The following GYS2 variants were observed in gnomAD, a reference collection of about 807,000 sequenced individuals.
GYS2 encodes the protein glycogen [starch] synthase, liver.
A neutral mutation model predicts 85.6 loss-of-function variants in GYS2; 80 were observed. That is an observed-to-expected ratio of 0.93 (90% CI 0.78 to 1.13). The LOEUF is 1.13. GYS2 is among the 50% of genes most tolerant of loss of function. The probability of loss-of-function intolerance (pLI) is 0.00; values close to 1 mark genes in which losing one functional copy is unlikely to be tolerated. For synonymous variants in GYS2, 328 were observed against 300.7 expected (o/e 1.09, Z -0.94); for missense variants, 881 against 854.9 (o/e 1.03, Z -0.38).
chr12:21,539,875 A>G lies in GYS2; in HGVS notation c.1809+535T>C, dbSNP rs574346712. On this transcript the variant is annotated intron_variant, in intron 14 of 15. Transcript: ENST00000261195. ...AGCCAAGAGTGTTCAGCACTGTGCAAACAGACACATTATGTGAAGGCAAAG... is the reference window on the plus strand; with the variant it reads ...AGCCAAGAGTGTTCAGCACTGTGCAGACAGACACATTATGTGAAGGCAAAG... Among the ~76,000 whole-genome samples the G allele has an allele frequency of 2.6e-5, 4 of 152,314 alleles. No homozygotes were observed. In the East Asian group the frequency reaches 7.7e-4, roughly 29 times the overall value.
At chr12:21,562,266 C>T (rs1032054751) in intron 7 of GYS2, among the ~76,000 whole-genome samples, 6 of 152,016 alleles carry the variant, frequency 3.9e-5, no homozygotes, top group Non-Finnish European at 8.8e-5. Context: ...AACTCTTAGT[C>T]GCAGGGAGGT....
At chr12:21,569,103 A>C in intron 4 of GYS2, 94 bp from the exon 5 acceptor site, 3 of 1,278,718 alleles carry the variant, frequency 2.3e-6, no homozygotes, top group Non-Finnish European at 3.4e-6. Flanking sequence ...GGCTTACCTC[A>C]AGGCTGTGTA....
chr12:21,540,298 T>G, intron 14 of GYS2, 112 bp downstream of exon 14: 1 of 973,558 alleles, frequency 1.0e-6, no homozygotes, highest in East Asian at 2.4e-5. Context: ...GACACTGAGA[T>G]TTTAACAATT....
At chr12:21,532,862 A>C (rs1943878392), downstream of GYS2, 1 of 152,270 alleles carries the variant, frequency 6.6e-6, no homozygotes, top group Non-Finnish European at 1.5e-5. Context: ...CTGTTAAAAT[A>C]TAGCTCCAAG....
chr12:21,581,029 GTCATTTA>G (rs2136914185), intron 1 of GYS2, among the ~76,000 whole-genome samples: 1 of 152,258 alleles, frequency 6.6e-6, no homozygotes, highest in East Asian at 1.9e-4. Flanking sequence ...AAGCTACATA[GTCATTTA>G]TCTTTTAAAG....
chr12:21,575,770 T>C lies in GYS2; in HGVS notation c.495+96A>G, dbSNP rs565812073. 2.8e-5 allele frequency: 27 copies of C among 952,938 alleles called. No individual in the cohort carries two copies. The African/African-American group carries it at 4.0e-4, about 14-fold the overall frequency. The allele number at this position is 952,938 out of a possible 1,614,324, so 59.0% of individuals were successfully genotyped here. A position where few individuals can be genotyped will look rare whatever the true frequency, so the allele number is the denominator to read the frequency against. On this transcript the variant is annotated intron_variant, in intron 3 of 15. Transcript: ENST00000261195. ...TAGGACAAGCCATAATGGCATCATC[T>C]CAAAATCTGCCTCATTTAAAGATCA...
rs1321973590 is a variant in GYS2, at chr12:21,559,700, G to A, written c.1180C>T (p.His394Tyr). 1.3e-6 allele frequency: 2 copies of A among 1,586,618 alleles called. No homozygotes were observed. The highest frequency in any genetic ancestry group is 1.1e-5 in the South Asian group (1 of 90,472). ...TTTCCAAACTTTTCCTTCACAGAAT[G>A]TGCAACATCCCTGTTTGAAACAGAA... The part of the protein sequence containing the change: ...AVRKQLWDVA[H>Y]SVKEKFGKKL... Residue 394 changes from histidine to tyrosine, a missense_variant, in exon 9 of 16, where the codon CAT becomes TAT. Physicochemically the swap from His to Tyr is moderately conservative, Grantham distance 83. Coordinates refer to ENST00000261195, the MANE Select transcript of GYS2 (RefSeq NM_021957.4).
intron 1 of GYS2, among the ~76,000 whole-genome samples, chr12:21,598,328 G>A (rs546205546): frequency 1.3e-5 from 2 of 152,052 alleles, no homozygotes; most frequent in South Asian, 2.1e-4. Context: ...ATATAAACAC[G>A]TCATATATCA....
chr12:21,577,568 A>G (rs940753872), intron 2 of GYS2, among the ~76,000 whole-genome samples: 2 of 152,210 alleles, frequency 1.3e-5, no homozygotes, highest in Admixed American at 1.3e-4. Context: ...ATAGTACAAT[A>G]GGCATTGTTC....
At chr12:21,564,569 C>G (rs1944295570) in intron 5 of GYS2, among the ~76,000 whole-genome samples, 1 of 152,078 alleles carries the variant, frequency 6.6e-6, no homozygotes, top group African/African-American at 2.4e-5. Flanking sequence ...ATTAAGTAAT[C>G]TGACCTTTGT....
chr12:21,582,894 C>A (rs572427401), intron 1 of GYS2, among the ~76,000 whole-genome samples: 2 of 152,164 alleles, frequency 1.3e-5, no homozygotes, highest in Non-Finnish European at 2.9e-5. Flanking sequence ...CTTGATTCAA[C>A]GCTTGTGAGA....
At chr12:21,541,268 C>CAA (rs3832848) in intron 13 of GYS2, among the ~76,000 whole-genome samples, 7,908 of 45,512 alleles carry the variant, frequency 0.17, 1,340 homozygotes, top group East Asian at 0.23. Flanking sequence ...ACCATGTTTC[C>CAA]AAAAAAAAAA....
intron 11 of GYS2, among the ~76,000 whole-genome samples, chr12:21,551,252 T>C (rs1944107688): frequency 6.8e-6 from 1 of 147,218 alleles, no homozygotes; most frequent in Non-Finnish European, 1.5e-5. Context: ...TGAGTGAGAA[T>C]AGACACTTTT....
intron 1 of GYS2, among the ~76,000 whole-genome samples, chr12:21,583,515 A>C (rs1023793181): frequency 1.4e-4 from 22 of 152,204 alleles, no homozygotes; most frequent in African/African-American, 5.1e-4. Flanking sequence ...GCAAGCTGCT[A>C]TGCCACTTGG....
chr12:21,594,911 G>C (rs1591812135), intron 1 of GYS2, among the ~76,000 whole-genome samples: 2 of 152,162 alleles, frequency 1.3e-5, no homozygotes, highest in Non-Finnish European at 2.9e-5. Context: ...TAGACCAATG[G>C]AAGAGAATAG....
At chr12:21,599,493 A>T (rs574714385) in intron 1 of GYS2, among the ~76,000 whole-genome samples, 55 of 152,304 alleles carry the variant, frequency 3.6e-4, no homozygotes, top group Middle Eastern at 3.4e-3. Context: ...GCAGCTCCAA[A>T]TATTTTATAT....
At position 21,569,015 on chromosome 12, in the gene GYS2, A is replaced by C; in HGVS notation, c.679-6T>G. 2 of 1,614,026 alleles carry C rather than the reference A, an allele frequency of 1.2e-6. No homozygotes were observed. The highest frequency in any genetic ancestry group is 1.1e-5 in the South Asian group (1 of 91,088). ...GCCTCTTTGTCAATGTTAAACTGTT[A>C]GAAACAAAAATAAAACACACATTTG... On this transcript the variant is annotated splice_polypyrimidine_tract_variant and splice_region_variant and intron_variant, in intron 4 of 15. Transcript: ENST00000261195.
intron 1 of GYS2, among the ~76,000 whole-genome samples, chr12:21,591,611 A>C (rs1296458776): frequency 6.6e-6 from 1 of 152,204 alleles, no homozygotes; most frequent in Non-Finnish European, 1.5e-5. Flanking sequence ...GTCTAGCAAG[A>C]AATGTAGACA....
chr12:21,569,035 C>T, intron 4 of GYS2, 26 bp from the exon 5 acceptor site: 1 of 1,612,720 alleles, frequency 6.2e-7, no homozygotes, highest in South Asian at 1.1e-5. Context: ...ATAAAACACA[C>T]ATTTGCTAAC....
Sources: allele counts gnomAD v4.1 joint callset (sites outside exome capture counted in the v4.1 genomes callset), GRCh38; gene constraint gnomAD v4.1.1; transcripts MANE v1.5; gene names NCBI Gene and HGNC (gene_info 2026-07-23, HGNC 2026-07-21).